Variants in TCF4 observed in about 807,000 individuals in gnomAD.
The protein encoded by TCF4 is SL3-3 enhancer factor 2.
TCF4 carries 3 observed loss-of-function variants against 82.1 expected under a neutral mutation model. The observed-to-expected ratio is 0.04, with a 90% CI of 0.02 to 0.09. TCF4 has a LOEUF of 0.09. Among genes scored for constraint, TCF4 ranks in the 10% least tolerant of loss-of-function variants. The pLI is 1.00. For missense variants in TCF4, 518 were observed against 852.7 expected, an observed-to-expected ratio of 0.61 and a Z score of 4.89; for synonymous variants, 276 against 309.6, an observed-to-expected ratio of 0.89 and a Z score of 1.14.
intron 5 of TCF4, chr18:55,422,039 T>C: frequency 3.4e-6 from 1 of 294,362 alleles, no homozygotes; most frequent in Non-Finnish European, 4.8e-6. Flanking sequence ...GAGAGAATTA[T>C]GGGCACATTC....
intron 5 of TCF4, chr18:55,404,040 ACC>A (rs2093967760): frequency 6.9e-6 from 8 of 1,155,144 alleles, no homozygotes; most frequent in Non-Finnish European, 8.6e-6. Context: ...CCAGGAGTGA[ACC>A]CCATCATGAT....
intron 8 of TCF4, 87 bp from the exon 9 acceptor site, chr18:55,279,743 GT>G: frequency 6.3e-7 from 1 of 1,586,394 alleles, no homozygotes; most frequent in Non-Finnish European, 8.6e-7. Context: ...TAGGCAGAAA[GT>G]GCTACATTTC....
At chr18:55,634,853 T>C (rs2097734761) in intron 1 of TCF4, among the ~76,000 whole-genome samples, 1 of 152,098 alleles carries the variant, frequency 6.6e-6, no homozygotes, top group South Asian at 2.1e-4. Flanking sequence ...ACACTGGAAA[T>C]AGACTGTTGA....
chr18:55,621,770 T>TATATA (rs1342187636), intron 2 of TCF4, among the ~76,000 whole-genome samples: 1 of 92,118 alleles, frequency 1.1e-5, no homozygotes, highest in Non-Finnish European at 1.9e-5. Flanking sequence ...TAACATATAA[T>TATATA]ATATAATATA....
At chr18:55,444,003 C>T (rs1406075210) in intron 5 of TCF4, among the ~76,000 whole-genome samples, 1 of 152,068 alleles carries the variant, frequency 6.6e-6, no homozygotes, top group Non-Finnish European at 1.5e-5. Flanking sequence ...AGATGTCACC[C>T]AGGTAGTAAA....
At chr18:55,486,213 G>T (rs534694422) in intron 3 of TCF4, among the ~76,000 whole-genome samples, 71 of 152,252 alleles carry the variant, frequency 4.7e-4, no homozygotes, top group African/African-American at 1.6e-3. Context: ...GCTACAAATG[G>T]TAAATAAACA....
At chr18:55,613,158 A>G (rs1235512892) in intron 2 of TCF4, among the ~76,000 whole-genome samples, 2 of 152,016 alleles carry the variant, frequency 1.3e-5, no homozygotes, top group African/African-American at 4.8e-5. Context: ...GTACAATTTA[A>G]TATGCTTTGA....
chr18:55,287,180 C>T lies in TCF4; in HGVS notation c.550-7524G>A, dbSNP rs572996073. On this transcript the variant is annotated intron_variant, in intron 8 of 19. Coordinates refer to ENST00000354452, the MANE Select transcript of TCF4 (RefSeq NM_001083962.2). ...ACTAACTGAGCAATGACCCATCTTC[C>T]GTCTACCAGAATGCACCACAAAAAT... Among the ~76,000 whole-genome samples, 23 of 152,180 alleles carry T rather than the reference C, an allele frequency of 1.5e-4. No homozygotes were observed. In the East Asian group the frequency reaches 2.7e-3, roughly 18 times the overall value.
chr18:55,349,879 C>CAGCT (rs1474515289), intron 8 of TCF4, among the ~76,000 whole-genome samples: 1 of 152,102 alleles, frequency 6.6e-6, no homozygotes, highest in Non-Finnish European at 1.5e-5. Context: ...GCTACTGATG[C>CAGCT]AGCTACCTTT....
intron 3 of TCF4, among the ~76,000 whole-genome samples, chr18:55,521,689 T>C (rs2096934833): frequency 6.6e-6 from 1 of 152,222 alleles, no homozygotes; most frequent in African/African-American, 2.4e-5. Context: ...TTACCTTTGA[T>C]AGAGTATGAC....
At chr18:55,415,497 T>C (rs529330626) in intron 5 of TCF4, among the ~76,000 whole-genome samples, 2 of 152,322 alleles carry the variant, frequency 1.3e-5, no homozygotes, top group South Asian at 4.1e-4. Context: ...GAGCCGGCTA[T>C]GGCCAGGCAC....
At chr18:55,518,103 G>A (rs2096900246) in intron 3 of TCF4, among the ~76,000 whole-genome samples, 1 of 152,086 alleles carries the variant, frequency 6.6e-6, no homozygotes, top group Admixed American at 6.6e-5. Context: ...TTGAATGCCT[G>A]CTTCAAGATT....
intron 5 of TCF4, among the ~76,000 whole-genome samples, chr18:55,432,636 CT>C (rs2095236697): frequency 6.6e-6 from 1 of 152,232 alleles, no homozygotes; most frequent in Admixed American, 6.5e-5. Flanking sequence ...GAGAAACTCA[CT>C]CCTCTACTCG....
At chr18:55,231,611 A>G (rs2047942979) in intron 17 of TCF4, 1 of 152,250 alleles carries the variant, frequency 6.6e-6, no homozygotes. Context: ...CCTCCTTGGG[A>G]TTTCTTGCCA....
chr18:55,371,611 A>G (rs1236175814), intron 6 of TCF4, among the ~76,000 whole-genome samples: 1 of 152,072 alleles, frequency 6.6e-6, no homozygotes, highest in Non-Finnish European at 1.5e-5. Flanking sequence ...CCAAGAGCAC[A>G]GCAGTCAACT....
At chr18:55,401,564 C>G (rs1316368492) in intron 6 of TCF4, 2 of 988,022 alleles carry the variant, frequency 2.0e-6, no homozygotes, top group Non-Finnish European at 2.4e-6. Flanking sequence ...ACCCTCTGCC[C>G]CTTTCCACTT....
intron 8 of TCF4, chr18:55,322,000 C>A: frequency 8.2e-7 from 1 of 1,214,124 alleles, no homozygotes; most frequent in East Asian, 3.3e-5. Flanking sequence ...TACGCGAGAT[C>A]GATTCAACTT....
rs144242712 is a variant in TCF4 at position 55,350,464 on chromosome 18, T to C, written c.500-56A>G. On this transcript the variant is annotated intron_variant, in intron 7 of 19. Coordinates refer to ENST00000354452, the MANE Select transcript of TCF4 (RefSeq NM_001083962.2). ...CAAATGCCCATTTTCCTAACTAAGA[T>C]AGGTTAAACCACAAAGACTTCTAGA... is the stretch of plus-strand genomic sequence containing the variant. The C allele has an allele frequency of 1.3e-3, 2,071 of 1,583,102 alleles. 5 individuals carry two copies. Among genetic ancestry groups the C allele is most frequent in the Non-Finnish European group, 1.4e-3 (1,637 of 1,153,206 alleles).
chr18:55,586,016 G>C, intron 2 of TCF4: 1 of 1,356,512 alleles, frequency 7.4e-7, no homozygotes, highest in Non-Finnish European at 9.6e-7. Flanking sequence ...AACGAATGGA[G>C]AAAGTGCAAC....
Sources: gnomAD v4.1 joint callset for allele counts (sites outside exome capture counted in the v4.1 genomes callset) on GRCh38, gnomAD v4.1.1 for gene constraint, MANE v1.5 for transcripts, NCBI Gene and HGNC (gene_info 2026-07-23, HGNC 2026-07-21) for gene names.